Variants in TNR observed in about 807,000 individuals in gnomAD.
The protein encoded by TNR is tenascin R.
TNR carries 45 observed loss-of-function variants against 150.4 expected under a neutral mutation model. The observed-to-expected ratio is 0.30, with a 90% confidence interval of 0.24 to 0.38. The LOEUF is 0.38. Among genes scored for constraint, TNR ranks in the 10% least tolerant of loss-of-function variants. TNR has a pLI of 1.00. For synonymous variants in TNR, 687 were observed against 678.4 expected (o/e 1.01, Z -0.20); for missense variants, 1,544 against 1,759.1 (o/e 0.88, Z 2.19).
rs4567249 is a variant in TNR at position 175,490,721 on chromosome 1, A to T, written c.-64+37548T>A. On this transcript the variant is annotated intron_variant, in intron 2 of 22. Coordinates refer to ENST00000367674, the MANE Select transcript of TNR (RefSeq NM_003285.3). ...TATTATTAAAAACTAAAAAAAAATC[A>T]GATGCTAGCAAGATTGTGAAGAAAA... 7.9e-3 allele frequency among the ~76,000 whole-genome samples: 1,196 copies of T among 152,324 alleles called. 12 individuals are homozygous for T. Among genetic ancestry groups the T allele is most frequent in the African/African-American group, 0.028 (1,146 of 41,566 alleles).
At chr1:175,485,748 G>A (rs2102133069) in intron 2 of TNR, among the ~76,000 whole-genome samples, 1 of 152,228 alleles carries the variant, frequency 6.6e-6, no homozygotes, top group East Asian at 1.9e-4. Flanking sequence ...TTAGTATAAT[G>A]TTTATTTATA....
chr1:175,459,852 C>T lies in TNR; in HGVS notation c.-63-53075G>A, dbSNP rs186553470. Among the ~76,000 whole-genome samples, 875 of 138,828 alleles carry T rather than the reference C, an allele frequency of 6.3e-3. 4 individuals are homozygous for T. Among genetic ancestry groups the T allele is most frequent in the Middle Eastern group, 0.018 (5 of 284 alleles). The allele number at this position is 138,828 out of a possible 152,430, so 91.1% of individuals were successfully genotyped here. On this transcript the variant is annotated intron_variant, in intron 2 of 22. Transcript: ENST00000367674. The stretch of plus-strand genomic sequence containing the variant: ...ATTCTATAAATGGTTTCTTTCATCT[C>T]CTATTGAAATGAAAGAACAAGAGAG...
At chr1:175,518,341 A>C (rs1455153598) in intron 2 of TNR, among the ~76,000 whole-genome samples, 5 of 152,194 alleles carry the variant, frequency 3.3e-5, no homozygotes, top group African/African-American at 7.2e-5. Context: ...AACGTCTCTC[A>C]GACTGTGCAG....
chr1:175,646,904 C>A (rs888663538), intron 1 of TNR, among the ~76,000 whole-genome samples: 1 of 152,182 alleles, frequency 6.6e-6, no homozygotes, highest in Non-Finnish European at 1.5e-5. Flanking sequence ...GGATCCAATA[C>A]GTCCCAAAGA....
rs141385232 is a variant in TNR at position 175,693,865 on chromosome 1, C to T, written c.-165+49361G>A. Reference sequence around the variant, plus strand: ...CTGTACAATAAAATCATGGACCATGCTGAAGTACATTTCAACTGCTCTCTT... The same window carrying T: ...CTGTACAATAAAATCATGGACCATGTTGAAGTACATTTCAACTGCTCTCTT... On this transcript the variant is annotated intron_variant, in intron 1 of 22. Coordinates refer to ENST00000367674, the MANE Select transcript of TNR (RefSeq NM_003285.3). 1.1e-4 allele frequency among the ~76,000 whole-genome samples: 17 copies of T among 152,354 alleles called. No individual in the cohort carries two copies. The East Asian group carries it at 3.3e-3, about 29-fold the overall frequency.
At chr1:175,514,763 T>A (rs1383356318) in intron 2 of TNR, among the ~76,000 whole-genome samples, 3 of 152,156 alleles carry the variant, frequency 2.0e-5, no homozygotes, top group African/African-American at 7.2e-5. Context: ...CCTGATTAAA[T>A]CTCTGATGAA....
chr1:175,468,689 G>T (rs1456723574), intron 2 of TNR, among the ~76,000 whole-genome samples: 4 of 152,126 alleles, frequency 2.6e-5, no homozygotes, highest in Non-Finnish European at 5.9e-5. Context: ...TAGGTAGGAG[G>T]GTCTGCACCA....
chr1:175,668,679 C>T lies in TNR; in HGVS notation c.-165+74547G>A, dbSNP rs556400532. Among the ~76,000 whole-genome samples the T allele has an allele frequency of 8.9e-4, 136 of 152,326 alleles. 1 individual carries two copies. The highest frequency in any genetic ancestry group is 3.2e-3 in the African/African-American group (132 of 41,568). On this transcript the variant is annotated intron_variant, in intron 1 of 22. Coordinates refer to ENST00000367674, the MANE Select transcript of TNR (RefSeq NM_003285.3). Reference sequence around the variant, plus strand: ...AGCATAAGAATTGCCATTTATTGAACACCTACCGTGACCGGCACCATGCTA... The same window carrying T: ...AGCATAAGAATTGCCATTTATTGAATACCTACCGTGACCGGCACCATGCTA...
intron 1 of TNR, among the ~76,000 whole-genome samples, chr1:175,561,285 C>T (rs895970649): frequency 1.3e-4 from 20 of 152,168 alleles, no homozygotes; most frequent in African/African-American, 4.6e-4. Context: ...GATGTCACCT[C>T]ATTTCTCTCC....
intron 2 of TNR, among the ~76,000 whole-genome samples, chr1:175,428,515 C>A (rs771261323): frequency 1.3e-5 from 2 of 152,094 alleles, no homozygotes; most frequent in African/African-American, 4.8e-5. Context: ...TTCTAAGCAA[C>A]CCTGGAAGTC....
At chr1:175,434,139 G>A (rs928243137) in intron 2 of TNR, among the ~76,000 whole-genome samples, 4 of 152,110 alleles carry the variant, frequency 2.6e-5, no homozygotes, top group African/African-American at 9.7e-5. Flanking sequence ...TTCAAGATTC[G>A]TCCACATGCT....
chr1:175,541,809 G>GTC (rs1180643628), intron 1 of TNR, among the ~76,000 whole-genome samples: 1 of 152,150 alleles, frequency 6.6e-6, no homozygotes, highest in African/African-American at 2.4e-5. Flanking sequence ...AACTGGTAAA[G>GTC]TCTCTCTAAG....
At chr1:175,370,367 T>TTTTTA (rs1652044817) in intron 9 of TNR, among the ~76,000 whole-genome samples, 1 of 85,504 alleles carries the variant, frequency 1.2e-5, no homozygotes, top group African/African-American at 4.2e-5. Context: ...TTTTTTTTTT[T>TTTTTA]TTGGTGAGTG....
At position 175,639,392 on chromosome 1, in the gene TNR, C is replaced by A. The variant is rs147989705; in HGVS notation, c.-165+103834G>T. 3.8e-3 allele frequency among the ~76,000 whole-genome samples: 574 copies of A among 152,310 alleles called. 6 individuals carry two copies. Among genetic ancestry groups the A allele is most frequent in the African/African-American group, 0.013 (547 of 41,562 alleles). The stretch of plus-strand genomic sequence containing the variant: ...TCATTTTAGAATCCTAAGTTCCCAC[C>A]TTAAGGTCCATAAATACCCCTAAGG... On this transcript the variant is annotated intron_variant, in intron 1 of 22. Coordinates refer to ENST00000367674, the MANE Select transcript of TNR (RefSeq NM_003285.3).
intron 1 of TNR, among the ~76,000 whole-genome samples, chr1:175,608,870 G>A (rs1663503161): frequency 2.0e-5 from 3 of 152,188 alleles, no homozygotes; most frequent in African/African-American, 4.8e-5. Flanking sequence ...TGCCAGGCAG[G>A]GATGTGGACT....
chr1:175,396,686 G>A lies in TNR; in HGVS notation c.1098C>T (p.Gly366=), dbSNP rs1243239404. 3 of 1,614,166 alleles carry A rather than the reference G, an allele frequency of 1.9e-6. No homozygotes were observed. The highest frequency in any genetic ancestry group is 8.5e-7 in the Non-Finnish European group (1 of 1,180,034). The change falls in exon 5 of 23, where the codon GGC becomes GGT. Residue 366 remains glycine, a synonymous_variant. Transcript: ENST00000367674. The part of the protein sequence containing the change: ...VISYQPTALG[G]LQLQQRVPGD... ...CAGGCACCCGCTGCTGGAGCTGGAGGCCCCCCAGGGCCGTCGGCTGGTAAG... is the reference window on the plus strand; with the variant it reads ...CAGGCACCCGCTGCTGGAGCTGGAGACCCCCCAGGGCCGTCGGCTGGTAAG...
At chr1:175,584,005 C>T (rs575263190) in intron 1 of TNR, among the ~76,000 whole-genome samples, 3 of 152,102 alleles carry the variant, frequency 2.0e-5, no homozygotes, top group African/African-American at 7.2e-5. Context: ...GACCTGGACA[C>T]CTTTCTTGAC....
At chr1:175,666,496 T>A (rs972708149) in intron 1 of TNR, among the ~76,000 whole-genome samples, 1 of 152,198 alleles carries the variant, frequency 6.6e-6, no homozygotes, top group African/African-American at 2.4e-5. Context: ...TTCTCTCCAA[T>A]GTTTCTGTTC....
chr1:175,471,569 A>G (rs932049084), intron 2 of TNR, among the ~76,000 whole-genome samples: 11 of 152,330 alleles, frequency 7.2e-5, no homozygotes, highest in South Asian at 2.1e-4. Context: ...CTAAAAATAC[A>G]GCATAAAGGA....
Sources: allele counts gnomAD v4.1 joint callset (sites outside exome capture counted in the v4.1 genomes callset), GRCh38; gene constraint gnomAD v4.1.1; transcripts MANE v1.5; gene names NCBI Gene and HGNC (gene_info 2026-07-23, HGNC 2026-07-21).